Variants in MYO18B observed in about 807,000 individuals in gnomAD.
MYO18B encodes unconventional myosin-XVIIIb.
A neutral mutation model predicts 273.0 loss-of-function variants in MYO18B; 204 were observed. The observed-to-expected ratio is 0.75, with a 90% CI of 0.67 to 0.84. The LOEUF (loss-of-function observed/expected upper bound fraction) is 0.84. Ranked by LOEUF, MYO18B falls within the 40% of genes least tolerant of loss-of-function variation. The pLI is 0.00. For missense variants in MYO18B, 3,212 were observed against 3,287.6 expected (o/e 0.98, Z 0.56); for synonymous variants, 1,330 against 1,305.7 (o/e 1.02, Z -0.40).
chr22:25,748,197 C>T (rs1482582287), intron 1 of MYO18B, among the ~76,000 whole-genome samples: 3 of 152,148 alleles, frequency 2.0e-5, no homozygotes, highest in African/African-American at 7.2e-5. Context: ...ACCTCGTTGT[C>T]TGTTGTTCCA....
chr22:25,760,411 C>CAAA (rs60732274), intron 1 of MYO18B, among the ~76,000 whole-genome samples: 22 of 61,080 alleles, frequency 3.6e-4, no homozygotes, highest in African/African-American at 1.4e-3. Flanking sequence ...GACTCCATCT[C>CAAA]AAAAAAAAAA....
chr22:26,026,192 G>T (rs1936224646), intron 42 of MYO18B, among the ~76,000 whole-genome samples: 1 of 152,182 alleles, frequency 6.6e-6, no homozygotes, highest in Non-Finnish European at 1.5e-5. Context: ...CGTCCTAGCT[G>T]CAGTTTTAAT....
intron 11 of MYO18B, among the ~76,000 whole-genome samples, chr22:25,787,808 G>A (rs1172472581): frequency 6.6e-6 from 1 of 152,072 alleles, no homozygotes; most frequent in Non-Finnish European, 1.5e-5. Flanking sequence ...CCCGTGATCT[G>A]GGGTCATGAG....
intron 12 of MYO18B, among the ~76,000 whole-genome samples, chr22:25,812,794 T>A (rs999335559): frequency 6.6e-6 from 1 of 152,182 alleles, no homozygotes; most frequent in African/African-American, 2.4e-5. Context: ...TGGACTGCAG[T>A]CAGCCTAAGC....
At chr22:25,874,447 C>G in intron 23 of MYO18B, 33 bp downstream of exon 23, 1 of 1,598,222 alleles carries the variant, frequency 6.3e-7, no homozygotes, top group Non-Finnish European at 8.5e-7. Flanking sequence ...GGAGTCTGAT[C>G]CAACGGGTCT....
intron 21 of MYO18B, among the ~76,000 whole-genome samples, chr22:25,863,353 C>A (rs1005076740): frequency 2.6e-5 from 4 of 152,202 alleles, no homozygotes; most frequent in South Asian, 2.1e-4. Context: ...TGTTTCCCCT[C>A]ACCCTTAGTT....
intron 33 of MYO18B, 68 bp from the exon 34 acceptor site, chr22:25,921,189 T>C: frequency 6.8e-7 from 1 of 1,472,874 alleles, no homozygotes; most frequent in Non-Finnish European, 9.1e-7. Flanking sequence ...GGGAACCTGA[T>C]TCCGGAAAAC....
intron 36 of MYO18B, among the ~76,000 whole-genome samples, chr22:25,948,665 A>G (rs973669575): frequency 3.3e-5 from 5 of 151,608 alleles, no homozygotes; most frequent in Non-Finnish European, 7.4e-5. Context: ...ACTGTGAAAA[A>G]TGCTAAGTAT....
At position 25,785,894 on chromosome 22, in the gene MYO18B, G is replaced by A. The variant is rs143087877; in HGVS notation, c.2376+403G>A. Among the ~76,000 whole-genome samples, 18 of 152,234 alleles carry A rather than the reference G, an allele frequency of 1.2e-4. No homozygotes were observed. The East Asian group carries it at 2.1e-3, about 18-fold the overall frequency. ...GGTGAAATGACATGATGTGTATAAC[G>A]TGCTTAGAACAGGGCTTGGCCTAAA... On this transcript the variant is annotated intron_variant, in intron 11 of 43. Coordinates refer to ENST00000335473, the MANE Select transcript of MYO18B (RefSeq NM_032608.7).
Position 25,814,294 on chromosome 22 carries a change from C to CT in MYO18B, c.2522-9168dup, listed in dbSNP as rs398036691. 5.9e-3 allele frequency among the ~76,000 whole-genome samples: 353 copies of CT among 59,490 alleles called. 81 individuals carry two copies. Among genetic ancestry groups the CT allele is most frequent in the Non-Finnish European group, 8.9e-3 (273 of 30,814 alleles). 39.0% of individuals were successfully genotyped at this position (59,490 alleles called of 152,430 possible). ...GCTTGCCATGCTCCCAGGCACCGTT[C>CT]TTTTTTTTTTTTTTTTTTTTTTTTT... On this transcript the variant is annotated intron_variant, in intron 12 of 43. Coordinates refer to ENST00000335473, the MANE Select transcript of MYO18B (RefSeq NM_032608.7).
chr22:25,963,188 A>T (rs1415790077), intron 39 of MYO18B, among the ~76,000 whole-genome samples: 4 of 150,024 alleles, frequency 2.7e-5, no homozygotes, highest in East Asian at 3.9e-4. Flanking sequence ...TCACACACAC[A>T]CACACACACA....
At position 25,772,468 on chromosome 22, in the gene MYO18B, T is replaced by C. The variant is rs2145609539; in HGVS notation, c.1827T>C (p.Ile609=). Residue 609 remains isoleucine, a synonymous_variant, in exon 7 of 44, where the codon ATT becomes ATC. Coordinates refer to ENST00000335473, the MANE Select transcript of MYO18B (RefSeq NM_032608.7). ...LLHTCTGPDL[I]VLQPRGPSVP... ...ACACCTGCACAGGGCCTGATCTGATTGTCCTCCAGCCCCGGGGGCCCTCGG... is the reference window on the plus strand; with the variant it reads ...ACACCTGCACAGGGCCTGATCTGATCGTCCTCCAGCCCCGGGGGCCCTCGG... The C allele has an allele frequency of 6.2e-7, 1 of 1,613,956 alleles. No individual in the cohort carries two copies. The highest frequency in any genetic ancestry group is 1.1e-5 in the South Asian group (1 of 91,074).
intron 11 of MYO18B, among the ~76,000 whole-genome samples, chr22:25,790,876 G>C (rs1643949508): frequency 6.6e-6 from 1 of 152,142 alleles, no homozygotes; most frequent in South Asian, 2.1e-4. Flanking sequence ...GAAAGCCTGG[G>C]GGTCCCATCC....
chr22:26,053,188 G>A, the MYO18B span, among the ~76,000 whole-genome samples: 3 of 152,120 alleles, frequency 2.0e-5, no homozygotes, highest in Non-Finnish European at 4.4e-5. Flanking sequence ...TGAATGTCAC[G>A]TTCCTCCAAA....
the MYO18B span, among the ~76,000 whole-genome samples, chr22:26,046,186 C>T: frequency 1.3e-5 from 2 of 152,072 alleles, no homozygotes; most frequent in Admixed American, 1.3e-4. Context: ...TTTTATGCAG[C>T]CAGTAAAATA....
At chr22:25,779,671 A>G (rs1192326452) in intron 8 of MYO18B, among the ~76,000 whole-genome samples, 1 of 152,236 alleles carries the variant, frequency 6.6e-6, no homozygotes, top group Non-Finnish European at 1.5e-5. Flanking sequence ...GGATTTTGCA[A>G]GCCTGCCTCT....
chr22:25,810,542 T>C (rs2088701847), intron 12 of MYO18B, among the ~76,000 whole-genome samples: 1 of 150,600 alleles, frequency 6.6e-6, no homozygotes, highest in Admixed American at 6.6e-5. Context: ...CAAGCGATTC[T>C]CCTACCTCAG....
intron 39 of MYO18B, among the ~76,000 whole-genome samples, chr22:25,966,282 A>AT (rs1260260660): frequency 1.3e-5 from 2 of 151,622 alleles, no homozygotes; most frequent in Admixed American, 6.6e-5. Context: ...ATTTGCTTTA[A>AT]TTTTTTTCCA....
chr22:25,799,641 G>C (rs1454627409), intron 12 of MYO18B, among the ~76,000 whole-genome samples: 1 of 152,172 alleles, frequency 6.6e-6, no homozygotes, highest in South Asian at 2.1e-4. Flanking sequence ...TAGAATCTTC[G>C]AGAAGGTGCT....
Sources: gnomAD v4.1 joint callset for allele counts (sites outside exome capture counted in the v4.1 genomes callset) on GRCh38, gnomAD v4.1.1 for gene constraint, MANE v1.5 for transcripts, NCBI Gene and HGNC (gene_info 2026-07-23, HGNC 2026-07-21) for gene names.